The following AP3S1 variants were observed in gnomAD, a reference collection of about 807,000 sequenced individuals.
AP3S1 encodes the protein AP-3 complex subunit sigma-1.
A neutral mutation model predicts 21.3 loss-of-function variants in AP3S1; 12 were observed. The observed-to-expected ratio is 0.56, with a 90% CI of 0.36 to 0.91. The LOEUF (loss-of-function observed/expected upper bound fraction) is 0.91. AP3S1 is among the 40% of genes least tolerant of loss of function. The probability of loss-of-function intolerance (pLI) is 0.01; values close to 1 mark genes in which losing one functional copy is unlikely to be tolerated. For synonymous variants in AP3S1, 48 were observed against 78.4 expected, an observed-to-expected ratio of 0.61 and a Z score of 2.05; for missense variants, 116 against 225.0, an observed-to-expected ratio of 0.52 and a Z score of 3.10.
At chr5:115,872,496 G>C (rs927910019) in intron 3 of AP3S1, among the ~76,000 whole-genome samples, 6 of 151,860 alleles carry the variant, frequency 4.0e-5, no homozygotes, top group African/African-American at 1.5e-4. Context: ...GCGGCAGTGA[G>C]GAAATGAACG....
intron 1 of AP3S1, among the ~76,000 whole-genome samples, chr5:115,856,740 C>A (rs1464675846): frequency 6.6e-6 from 1 of 152,170 alleles, no homozygotes; most frequent in Non-Finnish European, 1.5e-5. Context: ...TCCCAAAGTG[C>A]TGGGATTACA....
At chr5:115,854,087 T>C (rs1256419252) in intron 1 of AP3S1, among the ~76,000 whole-genome samples, 5 of 152,118 alleles carry the variant, frequency 3.3e-5, no homozygotes, top group Non-Finnish European at 1.5e-5. Context: ...CATCACATGG[T>C]ATGCACACGT....
At chr5:115,877,064 T>C (rs1266908547) in intron 3 of AP3S1, among the ~76,000 whole-genome samples, 3 of 152,216 alleles carry the variant, frequency 2.0e-5, no homozygotes, top group African/African-American at 7.2e-5. Flanking sequence ...TTAATATCTA[T>C]TGATCATTCT....
intron 1 of AP3S1, among the ~76,000 whole-genome samples, chr5:115,849,985 G>A (rs1303411480): frequency 1.3e-5 from 2 of 152,084 alleles, no homozygotes; most frequent in East Asian, 1.9e-4. Context: ...TCAAGCTTTC[G>A]TAAGTCACCT....
At position 115,841,946 on chromosome 5, in the gene AP3S1, G is replaced by C. The variant is rs2112743900; in HGVS notation, c.-92G>C. 1 of 1,522,208 alleles carries C rather than the reference G, an allele frequency of 6.6e-7. No individual in the cohort carries two copies. The highest frequency in any genetic ancestry group is 8.8e-7 in the Non-Finnish European group (1 of 1,133,304). 94.3% of individuals were successfully genotyped at this position (1,522,208 alleles called of 1,614,324 possible). A position where few individuals can be genotyped will look rare whatever the true frequency, so the allele number is the denominator to read the frequency against. ...CGGTCGCGTGCGGGAGGGGGCGGGT[G>C]GGGAAGGATCGCAGGCGAGATTACG... is the stretch of plus-strand genomic sequence containing the variant. On this transcript the variant is annotated 5_prime_UTR_variant, in exon 1 of 6. Transcript: ENST00000316788.
intron 4 of AP3S1, among the ~76,000 whole-genome samples, chr5:115,900,122 A>C (rs1751084471): frequency 6.6e-6 from 1 of 152,194 alleles, no homozygotes; most frequent in Non-Finnish European, 1.5e-5. Context: ...CACAGAATGA[A>C]ATAATTTACT....
intron 2 of AP3S1, among the ~76,000 whole-genome samples, chr5:115,867,677 A>G (rs188679558): frequency 6.6e-6 from 1 of 152,306 alleles, no homozygotes; most frequent in Admixed American, 6.5e-5. Context: ...CAAGGCTTCT[A>G]ATTTAATAAT....
intron 1 of AP3S1, among the ~76,000 whole-genome samples, chr5:115,854,265 A>C (rs770178066): frequency 6.6e-5 from 10 of 152,212 alleles, no homozygotes; most frequent in Admixed American, 2.6e-4. Context: ...TGGGGGAGAC[A>C]TTCAAACCAA....
intron 2 of AP3S1, among the ~76,000 whole-genome samples, chr5:115,868,029 G>A (rs1459906529): frequency 6.6e-6 from 1 of 152,064 alleles, no homozygotes; most frequent in Non-Finnish European, 1.5e-5. Flanking sequence ...AAATTCTCAG[G>A]CCTCAGTTTT....
At chr5:115,879,797 G>T (rs2112868022) in intron 3 of AP3S1, among the ~76,000 whole-genome samples, 1 of 152,174 alleles carries the variant, frequency 6.6e-6, no homozygotes, top group South Asian at 2.1e-4. Context: ...TCCTCTTTGT[G>T]CCTCTGGTAG....
Position 115,913,621 on chromosome 5 carries a change from T to C in AP3S1, c.*131T>C. 1.4e-6 allele frequency: 2 copies of C among 1,388,382 alleles called. No homozygotes were observed. The highest frequency in any genetic ancestry group is 1.9e-6 in the Non-Finnish European group (2 of 1,033,894). The allele number at this position is 1,388,382 out of a possible 1,614,324, so 86.0% of individuals were successfully genotyped here. A position where few individuals can be genotyped will look rare whatever the true frequency, so the allele number is the denominator to read the frequency against. Reference sequence around the variant, plus strand: ...CTTGGATTTAAGTCAAGGTACTGTATAGAAGTTGTGTAAAATCAGTATGAA... The same window carrying C: ...CTTGGATTTAAGTCAAGGTACTGTACAGAAGTTGTGTAAAATCAGTATGAA... On this transcript the variant is annotated 3_prime_UTR_variant, in exon 6 of 6. Transcript: ENST00000316788.
At chr5:115,851,365 T>G (rs991057238) in intron 1 of AP3S1, among the ~76,000 whole-genome samples, 8 of 152,218 alleles carry the variant, frequency 5.3e-5, no homozygotes, top group Non-Finnish European at 8.8e-5. Context: ...TTAGATTATA[T>G]GGTAATTTTA....
chr5:115,878,427 A>G (rs112167387), intron 3 of AP3S1, among the ~76,000 whole-genome samples: 1 of 130,844 alleles, frequency 7.6e-6, no homozygotes. Flanking sequence ...ATGGCTAGCC[A>G]GTTTTCCCAA....
intron 1 of AP3S1, among the ~76,000 whole-genome samples, chr5:115,858,693 C>T (rs892738160): frequency 2.6e-5 from 4 of 151,562 alleles, no homozygotes; most frequent in Non-Finnish European, 5.9e-5. Flanking sequence ...CAATTTCCCA[C>T]CTTTATTCTC....
At chr5:115,857,451 A>G (rs796927649) in intron 1 of AP3S1, among the ~76,000 whole-genome samples, 32 of 152,372 alleles carry the variant, frequency 2.1e-4, no homozygotes, top group African/African-American at 7.0e-4. Context: ...GCTCAAAGTC[A>G]CAGAGTTAAC....
chr5:115,897,331 A>G (rs1317399214), intron 4 of AP3S1, among the ~76,000 whole-genome samples: 1 of 152,128 alleles, frequency 6.6e-6, no homozygotes, highest in Non-Finnish European at 1.5e-5. Flanking sequence ...TCTCTGGGCT[A>G]AGATCTTGTT....
chr5:115,860,078 T>C (rs143279275), intron 1 of AP3S1, among the ~76,000 whole-genome samples: 7 of 152,242 alleles, frequency 4.6e-5, no homozygotes, highest in African/African-American at 1.4e-4. Flanking sequence ...TGGGAGAGAA[T>C]CTATGTTCTT....
chr5:115,863,925 C>T (rs1763398504), intron 1 of AP3S1, among the ~76,000 whole-genome samples: 1 of 152,118 alleles, frequency 6.6e-6, no homozygotes, highest in South Asian at 2.1e-4. Context: ...AGTTCCCAGG[C>T]ACCATTAAGA....
intron 5 of AP3S1, among the ~76,000 whole-genome samples, chr5:115,907,947 A>G (rs1227551604): frequency 6.6e-6 from 1 of 152,182 alleles, no homozygotes. Context: ...CTATGGAGGA[A>G]AAAATGTATA....
Sources: allele counts gnomAD v4.1 joint callset (sites outside exome capture counted in the v4.1 genomes callset), GRCh38; gene constraint gnomAD v4.1.1; transcripts MANE v1.5; gene names NCBI Gene and HGNC (gene_info 2026-07-23, HGNC 2026-07-21).